C12orf42: variants seen among roughly 807,000 people sequenced by gnomAD.
C12orf42 encodes uncharacterized protein C12orf42.
C12orf42 carries 25 observed loss-of-function variants against 21.6 expected under a neutral mutation model. The ratio of observed to expected loss-of-function variants is 1.16; its 90% CI spans 0.84 to 1.62. C12orf42 has a LOEUF of 1.62. Ranked by LOEUF, C12orf42 falls within the 40% of genes most tolerant of loss-of-function variation. The pLI, the probability that C12orf42 is intolerant of heterozygous loss-of-function variation, is 0.00. For missense variants in C12orf42, 483 were observed against 459.3 expected (o/e 1.05, Z -0.47); for synonymous variants, 174 against 175.0 (o/e 0.99, Z 0.05).
chr12:103,097,403 G>A, the C12orf42 span, among the ~76,000 whole-genome samples: 227 of 152,256 alleles, frequency 1.5e-3, 2 homozygotes, highest in African/African-American at 5.2e-3. Context: ...CTTAGGATTC[G>A]AATATAAGAA....
chr12:103,516,061 T>C, the C12orf42 span, among the ~76,000 whole-genome samples: 1 of 152,202 alleles, frequency 6.6e-6, no homozygotes, highest in Non-Finnish European at 1.5e-5. Context: ...AAATTGGATA[T>C]ACTTCTTTAA....
the C12orf42 span, among the ~76,000 whole-genome samples, chr12:103,056,745 C>A: frequency 2.0e-5 from 3 of 151,926 alleles, no homozygotes; most frequent in East Asian, 5.8e-4. Flanking sequence ...TGGACACATC[C>A]GTTGAGTTTT....
chr12:103,328,421 A>C (rs909816167), intron 4 of C12orf42, among the ~76,000 whole-genome samples: 1 of 152,236 alleles, frequency 6.6e-6, no homozygotes, highest in Non-Finnish European at 1.5e-5. Context: ...TGAGCAGATA[A>C]AAGTAACAAA....
chr12:103,523,168 C>A, the C12orf42 span, among the ~76,000 whole-genome samples: 1 of 152,158 alleles, frequency 6.6e-6, no homozygotes, highest in African/African-American at 2.4e-5. Context: ...AGAATTTAAT[C>A]CTTTTGGACC....
chr12:103,133,650 T>C, the C12orf42 span, among the ~76,000 whole-genome samples: 1 of 152,218 alleles, frequency 6.6e-6, no homozygotes, highest in Non-Finnish European at 1.5e-5. Context: ...GACTACACTA[T>C]TGCACACAGC....
chr12:103,237,517 T>G (rs1409562045), downstream of C12orf42: 2 of 152,218 alleles, frequency 1.3e-5, no homozygotes, highest in African/African-American at 4.8e-5. Context: ...TCTTTGATAA[T>G]TCGCCTGTTT....
the C12orf42 span, among the ~76,000 whole-genome samples, chr12:103,562,278 A>C: frequency 6.6e-6 from 1 of 152,292 alleles, no homozygotes; most frequent in South Asian, 2.1e-4. Flanking sequence ...AATAACCAAA[A>C]TCTTACACCT....
At chr12:103,202,184 T>G in the C12orf42 span, among the ~76,000 whole-genome samples, 2 of 152,336 alleles carry the variant, frequency 1.3e-5, no homozygotes, top group African/African-American at 2.4e-5. Context: ...CTCTAGAACT[T>G]GCCAAGGCTG....
At chr12:103,552,825 G>A in the C12orf42 span, among the ~76,000 whole-genome samples, 2 of 152,240 alleles carry the variant, frequency 1.3e-5, no homozygotes, top group East Asian at 3.9e-4. Flanking sequence ...CCACATGGCT[G>A]GGGAGGCCTC....
At chr12:103,375,946 C>T (rs1197535035) in intron 3 of C12orf42, among the ~76,000 whole-genome samples, 1 of 152,100 alleles carries the variant, frequency 6.6e-6, no homozygotes, top group Non-Finnish European at 1.5e-5. Flanking sequence ...TCACTTCCTA[C>T]CAAAGCTTAA....
chr12:103,380,411 T>C (rs2046064133), intron 3 of C12orf42, among the ~76,000 whole-genome samples: 1 of 152,078 alleles, frequency 6.6e-6, no homozygotes, highest in African/African-American at 2.4e-5. Flanking sequence ...AAATCTGAAA[T>C]TTGAAAAGCA....
chr12:103,060,324 G>A, the C12orf42 span, among the ~76,000 whole-genome samples: 1 of 152,238 alleles, frequency 6.6e-6, no homozygotes, highest in East Asian at 1.9e-4. Context: ...GGAAATAAGA[G>A]AGGACAAAAA....
the C12orf42 span, among the ~76,000 whole-genome samples, chr12:103,225,031 G>A: frequency 1.3e-5 from 2 of 152,202 alleles, no homozygotes; most frequent in African/African-American, 2.4e-5. Flanking sequence ...AATGGGGGCT[G>A]TCTATGAAGC....
At chr12:103,141,034 A>G in the C12orf42 span, among the ~76,000 whole-genome samples, 1 of 152,210 alleles carries the variant, frequency 6.6e-6, no homozygotes, top group Non-Finnish European at 1.5e-5. Context: ...TACCTTCAGC[A>G]TAAGGTGAAA....
the C12orf42 span, among the ~76,000 whole-genome samples, chr12:103,116,337 C>T: frequency 3.1e-3 from 460 of 148,542 alleles, 2 homozygotes; most frequent in African/African-American, 0.011. Flanking sequence ...GCACTCCAGC[C>T]TGGGCAACAA....
intron 5 of C12orf42, among the ~76,000 whole-genome samples, chr12:103,304,473 G>A (rs186726491): frequency 6.3e-4 from 96 of 152,198 alleles, no homozygotes; most frequent in Non-Finnish European, 2.2e-4. Flanking sequence ...TCAAAGACTT[G>A]AAATGAGAAA....
chr12:103,144,624 C>T, the C12orf42 span, among the ~76,000 whole-genome samples: 1 of 152,162 alleles, frequency 6.6e-6, no homozygotes, highest in South Asian at 2.1e-4. Flanking sequence ...GAGAGTTGAG[C>T]TTTAATAGCG....
At chr12:103,176,521 G>T in the C12orf42 span, among the ~76,000 whole-genome samples, 1 of 152,092 alleles carries the variant, frequency 6.6e-6, no homozygotes, top group Non-Finnish European at 1.5e-5. Flanking sequence ...CCAATTTTCT[G>T]GCCCAATTTC....
chr12:103,525,777 C>G, the C12orf42 span, among the ~76,000 whole-genome samples: 1 of 152,152 alleles, frequency 6.6e-6, no homozygotes, highest in African/African-American at 2.4e-5. Flanking sequence ...CGCCTGTAAT[C>G]CCAGCACTTT....
Sources: allele counts gnomAD v4.1 joint callset (sites outside exome capture counted in the v4.1 genomes callset), GRCh38; gene constraint gnomAD v4.1.1; transcripts MANE v1.5; gene names NCBI Gene and HGNC (gene_info 2026-07-23, HGNC 2026-07-21).